STAU1: variants seen among roughly 807,000 people sequenced by gnomAD.
STAU1 encodes staufen double-stranded RNA binding protein 1.
In STAU1, 13 loss-of-function variants were observed where a neutral mutation model predicts 62.9. The observed-to-expected ratio is 0.21, with a 90% CI of 0.13 to 0.33. The LOEUF is 0.33. STAU1 is among the 10% of genes least tolerant of loss of function. The probability of loss-of-function intolerance (pLI) is 1.00; values close to 1 mark genes in which losing one functional copy is unlikely to be tolerated. For missense variants in STAU1, 571 were observed against 712.1 expected, an observed-to-expected ratio of 0.80 and a Z score of 2.25; for synonymous variants, 269 against 265.1, an observed-to-expected ratio of 1.01 and a Z score of -0.14.
At chr20:49,175,363 T>C (rs1031567927) in intron 1 of STAU1, among the ~76,000 whole-genome samples, 3 of 151,600 alleles carry the variant, frequency 2.0e-5, no homozygotes, top group Non-Finnish European at 4.4e-5. Flanking sequence ...GCCTGGAAGC[T>C]GGGTGAAGAA....
the STAU1 span, among the ~76,000 whole-genome samples, chr20:49,208,768 T>C: frequency 0.44 from 66,749 of 150,746 alleles, 15,099 homozygotes; most frequent in East Asian, 0.61. Flanking sequence ...TACAGGTGCC[T>C]GTCACCATGC....
chr20:49,200,518 A>G, the STAU1 span, among the ~76,000 whole-genome samples: 9 of 151,136 alleles, frequency 6.0e-5, no homozygotes, highest in Non-Finnish European at 8.9e-5. Flanking sequence ...GGAGAATGGC[A>G]TGAACCTGGG....
chr20:49,195,914 A>G, the STAU1 span, among the ~76,000 whole-genome samples: 9 of 78,878 alleles, frequency 1.1e-4, no homozygotes, highest in Non-Finnish European at 1.6e-4. Flanking sequence ...AAAAAAAAAA[A>G]AAAGAAAAAA....
chr20:49,141,853 C>A (rs2093014131), intron 5 of STAU1, among the ~76,000 whole-genome samples: 1 of 152,134 alleles, frequency 6.6e-6, no homozygotes, highest in Non-Finnish European at 1.5e-5. Context: ...TCTTTCCCAG[C>A]CGTGTTTTTA....
At chr20:49,165,229 G>A (rs2093507191) in intron 3 of STAU1, among the ~76,000 whole-genome samples, 1 of 152,168 alleles carries the variant, frequency 6.6e-6, no homozygotes, top group African/African-American at 2.4e-5. Flanking sequence ...ATTTTTAGTA[G>A]AGACGGAGTC....
chr20:49,151,865 C>T lies in STAU1; in HGVS notation c.345-118G>A, dbSNP rs547555055. 2.3e-5 allele frequency: 19 copies of T among 834,890 alleles called. No individual in the cohort carries two copies. The South Asian group carries it at 3.7e-4, about 16-fold the overall frequency. The allele number at this position is 834,890 out of a possible 1,614,324, so 51.7% of individuals were successfully genotyped here. Reference sequence around the variant, plus strand: ...ATCCTACTCACATTAGTGTTTGATGCTAATCACTCTTCATCAATATATCCA... The same window carrying T: ...ATCCTACTCACATTAGTGTTTGATGTTAATCACTCTTCATCAATATATCCA... On this transcript the variant is annotated intron_variant, in intron 4 of 13. Coordinates refer to ENST00000371856, the MANE Select transcript of STAU1 (RefSeq NM_017453.4).
At chr20:49,141,669 C>A (rs1192984251) in intron 5 of STAU1, among the ~76,000 whole-genome samples, 1 of 152,102 alleles carries the variant, frequency 6.6e-6, no homozygotes, top group Non-Finnish European at 1.5e-5. Context: ...CCAAGGCAGG[C>A]GGATCACTTG....
At chr20:49,184,422 C>G (rs991913047) in intron 1 of STAU1, among the ~76,000 whole-genome samples, 2 of 152,160 alleles carry the variant, frequency 1.3e-5, no homozygotes, top group African/African-American at 4.8e-5. Context: ...CTTACACACA[C>G]AGCTCCACAC....
chr20:49,179,259 AAAG>A (rs905914426), intron 1 of STAU1: 6 of 152,070 alleles, frequency 3.9e-5, no homozygotes, highest in Non-Finnish European at 7.3e-5. Flanking sequence ...AAAAAAAAAA[AAAG>A]AAGATAAAAA....
chr20:49,136,047 C>CTAT lies in STAU1; in HGVS notation c.511-117_511-116insATA, dbSNP rs2092875275. On this transcript the variant is annotated intron_variant, in intron 5 of 13. Coordinates refer to ENST00000371856, the MANE Select transcript of STAU1 (RefSeq NM_017453.4). The stretch of plus-strand genomic sequence containing the variant: ...GGCTAAGGCAGGAGGATAGCTTGAG[C>CTAT]CCAGGAGTCTGAGACCAGCCTGAGC... 3 of 749,386 alleles carry CTAT rather than the reference C, an allele frequency of 4.0e-6. No individual in the cohort carries two copies. In the South Asian group the frequency reaches 5.6e-5, roughly 14 times the overall value. The allele number at this position is 749,386 out of a possible 1,614,324, so 46.4% of individuals were successfully genotyped here.
chr20:49,212,812 G>T, the STAU1 span, among the ~76,000 whole-genome samples: 1 of 151,260 alleles, frequency 6.6e-6, no homozygotes, highest in Non-Finnish European at 1.5e-5. Flanking sequence ...TGGTCAGGCT[G>T]GTCTCGAACT....
chr20:49,191,121 G>A (rs1391224325), upstream of STAU1, among the ~76,000 whole-genome samples: 4 of 151,212 alleles, frequency 2.6e-5, no homozygotes, highest in Non-Finnish European at 5.9e-5. Flanking sequence ...TCCACCTCCC[G>A]GGCTCAAGCA....
chr20:49,194,328 C>A, the STAU1 span, among the ~76,000 whole-genome samples: 3 of 149,552 alleles, frequency 2.0e-5, no homozygotes, highest in African/African-American at 7.4e-5. Flanking sequence ...ACTCAGGAGG[C>A]TGAGGCAGGA....
At chr20:49,137,955 C>T (rs570381335) in intron 5 of STAU1, among the ~76,000 whole-genome samples, 1 of 151,106 alleles carries the variant, frequency 6.6e-6, no homozygotes, top group African/African-American at 2.4e-5. Flanking sequence ...GCTGGGATTA[C>T]AGACATGAGC....
chr20:49,149,452 C>G (rs1390455642), intron 5 of STAU1, among the ~76,000 whole-genome samples: 4 of 152,100 alleles, frequency 2.6e-5, no homozygotes, highest in Non-Finnish European at 4.4e-5. Context: ...TTTAACTTCT[C>G]AAGTGATTGT....
At chr20:49,159,445 C>T (rs940260833) in intron 3 of STAU1, among the ~76,000 whole-genome samples, 2 of 152,098 alleles carry the variant, frequency 1.3e-5, no homozygotes, top group African/African-American at 4.8e-5. Context: ...TGAGAAAGTG[C>T]ATTAGCCAAA....
chr20:49,149,408 TTAGAA>T (rs2093201663), intron 5 of STAU1, among the ~76,000 whole-genome samples: 1 of 152,116 alleles, frequency 6.6e-6, no homozygotes, highest in Non-Finnish European at 1.5e-5. Context: ...ACCTATTGCA[TTAGAA>T]TCCCGGGGTT....
At chr20:49,181,344 C>A (rs990926499) in intron 1 of STAU1, among the ~76,000 whole-genome samples, 1 of 152,100 alleles carries the variant, frequency 6.6e-6, no homozygotes, top group East Asian at 1.9e-4. Flanking sequence ...CTAAACCTGT[C>A]CTTACACATA....
chr20:49,217,253 C>T, the STAU1 span, among the ~76,000 whole-genome samples: 1 of 152,064 alleles, frequency 6.6e-6, no homozygotes, highest in East Asian at 1.9e-4. Flanking sequence ...GACCCAAGTT[C>T]CCGCTTCCTC....
Sources: allele counts gnomAD v4.1 joint callset (sites outside exome capture counted in the v4.1 genomes callset), GRCh38; gene constraint gnomAD v4.1.1; transcripts MANE v1.5; gene names NCBI Gene and HGNC (gene_info 2026-07-23, HGNC 2026-07-21).